Variants in LGALSL observed in about 807,000 individuals in gnomAD.
The protein encoded by LGALSL is galectin-related protein.
Under a neutral mutation model 19.5 loss-of-function variants are expected in LGALSL, and 13 were observed. That is an observed-to-expected ratio of 0.67 (90% CI 0.43 to 1.06). LGALSL has a LOEUF of 1.06. LGALSL is among the 50% of genes least tolerant of loss of function. The pLI, the probability that LGALSL is intolerant of heterozygous loss-of-function variation, is 0.00. For synonymous variants in LGALSL, 86 were observed against 78.3 expected, an observed-to-expected ratio of 1.10 and a Z score of -0.52; for missense variants, 189 against 219.3, an observed-to-expected ratio of 0.86 and a Z score of 0.87.
rs1262840269 is a variant in LGALSL, at chr2:64,454,471, C to G, written c.-75C>G. On this transcript the variant is annotated 5_prime_UTR_variant, in exon 1 of 5. Transcript: ENST00000238875. This position sits in a 1 kb window ranked among gnomAD's most constrained non-coding sequence, Gnocchi z 5.1. ...CAGCTCGGACCCGCGCCCCCGCCCC[C>G]GCCCCGCGCAGGACAGCCCCGGGAT... 1.3e-5 allele frequency: 11 copies of G among 855,208 alleles called. No homozygotes were observed. The highest frequency in any genetic ancestry group is 1.5e-5 in the Non-Finnish European group (10 of 667,904). The allele number at this position is 855,208 out of a possible 1,614,324, so 53.0% of individuals were successfully genotyped here.
In LGALSL at chr2:64,454,686, G is replaced by C; in HGVS notation, c.36+105G>C. 1 of 847,900 alleles carries C rather than the reference G, an allele frequency of 1.2e-6. No individual in the cohort carries two copies. The allele number at this position is 847,900 out of a possible 1,614,324, so 52.5% of individuals were successfully genotyped here. A position where few individuals can be genotyped will look rare whatever the true frequency, so the allele number is the denominator to read the frequency against. ...GTGCTGAGCAGCCGCAGGCCCGGCC[G>C]GCGCCCGGCGCGTGGGAAGGCGCCC... On this transcript the variant is annotated intron_variant, in intron 1 of 4. Transcript: ENST00000238875. This position sits in a 1 kb window ranked among gnomAD's most constrained non-coding sequence, Gnocchi z 5.1.
rs1686778958 is a variant in LGALSL at position 64,459,049 on chromosome 2, C to T, written c.*621C>T. The T allele has an allele frequency of 6.6e-6, 1 of 152,120 alleles. No individual in the cohort carries two copies. Among genetic ancestry groups the T allele is most frequent in the Non-Finnish European group, 1.5e-5 (1 of 68,028 alleles). The allele number at this position is 152,120 out of a possible 1,614,324, so 9.4% of individuals were successfully genotyped here. A position where few individuals can be genotyped will look rare whatever the true frequency, so the allele number is the denominator to read the frequency against. ...TTTGAATGTATAAATATCTTAGGTC[C>T]AAGGGGAGAAAATTACATATTACAA... On this transcript the variant is annotated 3_prime_UTR_variant, in exon 5 of 5. Transcript: ENST00000238875.
In LGALSL at chr2:64,456,403, GA is replaced by G; in HGVS notation, c.314del (p.Glu105GlyfsTer56). On this transcript the variant is annotated frameshift_variant, in exon 4 of 5. Transcript: ENST00000238875. LOFTEE classifies it high-confidence loss of function. ...ACTCAGAAATTCTTGTATATCTGGG[GA>G]GAGGGGTGAAGAACAGTCAGCAATC... ...QLLRNSCISG[E>X]RGEEQSAIPY... 1 of 1,611,198 alleles carries G rather than the reference GA, an allele frequency of 6.2e-7. No homozygotes were observed. Among genetic ancestry groups the G allele is most frequent in the Non-Finnish European group, 8.5e-7 (1 of 1,178,688 alleles).
Position 64,456,176 on chromosome 2 carries a change from G to A in LGALSL, c.198-112G>A, listed in dbSNP as rs137920048. 9.8e-4 allele frequency: 833 copies of A among 849,790 alleles called. 5 individuals carry two copies. In the African/African-American group the frequency reaches 0.013, roughly 13 times the overall value. 52.6% of individuals were successfully genotyped at this position (849,790 alleles called of 1,614,324 possible). A position where few individuals can be genotyped will look rare whatever the true frequency, so the allele number is the denominator to read the frequency against. ...AATCTAACCTCTCTTGAAGAGTAGT[G>A]GCCTCTTAAAAATGGACAAACCCAG... On this transcript the variant is annotated intron_variant, in intron 3 of 4. Transcript: ENST00000238875.
chr2:64,457,819 CT>C (rs1469658304), intron 4 of LGALSL, among the ~76,000 whole-genome samples: 2 of 152,142 alleles, frequency 1.3e-5, no homozygotes, highest in African/African-American at 4.8e-5. Context: ...AGGATAGTTT[CT>C]TAGTGATGAA....
At chr2:64,457,069 C>G (rs931998110) in intron 4 of LGALSL, among the ~76,000 whole-genome samples, 1 of 152,114 alleles carries the variant, frequency 6.6e-6, no homozygotes, top group Non-Finnish European at 1.5e-5. Context: ...GAAGCACAAT[C>G]CAAACTTTTC....
At chr2:64,455,813 T>A in intron 3 of LGALSL, 136 bp downstream of exon 3, 1 of 692,166 alleles carries the variant, frequency 1.4e-6, no homozygotes, top group Non-Finnish European at 2.6e-6. Flanking sequence ...AGTACCATGT[T>A]CCCATGAAAC....
chr2:64,454,593 A>G lies in LGALSL; in HGVS notation c.36+12A>G. ...GCGATGCCGTGGTGGTGAGTGTGGC[A>G]GGGCGCGCGCGAGGCGCCCCTCCCC... On this transcript the variant is annotated intron_variant, in intron 1 of 4. Coordinates refer to ENST00000238875, the MANE Select transcript of LGALSL (RefSeq NM_014181.3). This position sits in a 1 kb window ranked among gnomAD's most constrained non-coding sequence, Gnocchi z 5.1. 7.1e-7 allele frequency: 1 copy of G among 1,413,826 alleles called. No individual in the cohort carries two copies. The highest frequency in any genetic ancestry group is 9.3e-7 in the Non-Finnish European group (1 of 1,079,260). 87.6% of individuals were successfully genotyped at this position (1,413,826 alleles called of 1,614,324 possible). A position where few individuals can be genotyped will look rare whatever the true frequency, so the allele number is the denominator to read the frequency against.
chr2:64,459,993 G>T lies in LGALSL; in HGVS notation c.*1565G>T, dbSNP rs1399985394. The T allele has an allele frequency of 6.6e-6, 1 of 150,636 alleles. No individual in the cohort carries two copies. The highest frequency in any genetic ancestry group is 2.4e-5 in the African/African-American group (1 of 40,858). 9.3% of individuals were successfully genotyped at this position (150,636 alleles called of 1,614,324 possible). A position where few individuals can be genotyped will look rare whatever the true frequency, so the allele number is the denominator to read the frequency against. ...CTGTGTCTTGTAATGACACATCCTT[G>T]TCCTGCTTTCCTTTTTTGAGTTTTT... On this transcript the variant is annotated 3_prime_UTR_variant, in exon 5 of 5. Transcript: ENST00000238875.
At chr2:64,455,793 G>C in intron 3 of LGALSL, 116 bp downstream of exon 3, 1 of 763,590 alleles carries the variant, frequency 1.3e-6, no homozygotes. Flanking sequence ...CTAGTTGCCA[G>C]TGCCAAGAAA....
At position 64,456,922 on chromosome 2, in the gene LGALSL, G is replaced by T. The variant is rs188508514; in HGVS notation, c.375+457G>T. Among the ~76,000 whole-genome samples, 6 of 152,204 alleles carry T rather than the reference G, an allele frequency of 3.9e-5. No individual in the cohort carries two copies. The East Asian group carries it at 9.6e-4, about 24-fold the overall frequency. On this transcript the variant is annotated intron_variant, in intron 4 of 4. Transcript: ENST00000238875. ...TTCTCTTGTTCCCTTTGCTAATGAG[G>T]CCATGTTCGTGTCCTTGTTTCCCCC...
intron 4 of LGALSL, 41 bp from the exon 5 acceptor site, chr2:64,458,244 G>C: frequency 6.3e-7 from 1 of 1,589,704 alleles, no homozygotes. Context: ...TTCCCCAGTA[G>C]CGTTCATTGA....
rs1686820227 is a variant in LGALSL, at chr2:64,461,206, G to A, written c.*2778G>A. The A allele has an allele frequency of 6.6e-6, 1 of 152,192 alleles. No homozygotes were observed. Among genetic ancestry groups the A allele is most frequent in the African/African-American group, 2.4e-5 (1 of 41,444 alleles). 9.4% of individuals were successfully genotyped at this position (152,192 alleles called of 1,614,324 possible). ...AAGGAGGGAGCCCTGTTTGCCTTGA[G>A]ATAAACGGCCTTGGCATTTTCTGGC... On this transcript the variant is annotated 3_prime_UTR_variant, in exon 5 of 5. Coordinates refer to ENST00000238875, the MANE Select transcript of LGALSL (RefSeq NM_014181.3).
Position 64,458,662 on chromosome 2 carries a change from A to C in LGALSL, c.*234A>C. 1 of 370,946 alleles carries C rather than the reference A, an allele frequency of 2.7e-6. No individual in the cohort carries two copies. The allele number at this position is 370,946 out of a possible 1,614,324, so 23.0% of individuals were successfully genotyped here. ...TGGATTTTATTCAGACCAAACTAAA[A>C]TGGATTTGTGATGATTTGTGATTTG... On this transcript the variant is annotated 3_prime_UTR_variant, in exon 5 of 5. Transcript: ENST00000238875.
rs1275926664 is a variant in LGALSL, at chr2:64,461,297, T to A, written c.*2869T>A. 1.3e-5 allele frequency: 2 copies of A among 152,238 alleles called. No individual in the cohort carries two copies. Among genetic ancestry groups the A allele is most frequent in the East Asian group, 3.8e-4 (2 of 5,204 alleles). 9.4% of individuals were successfully genotyped at this position (152,238 alleles called of 1,614,324 possible). A position where few individuals can be genotyped will look rare whatever the true frequency, so the allele number is the denominator to read the frequency against. ...AAGAAACACTTTCTTATTTACTGTG[T>A]GGTGTAAAATGTTGCTAAATGTGTT... On this transcript the variant is annotated 3_prime_UTR_variant, in exon 5 of 5. Coordinates refer to ENST00000238875, the MANE Select transcript of LGALSL (RefSeq NM_014181.3).
At chr2:64,456,966 A>G (rs148194201) in intron 4 of LGALSL, among the ~76,000 whole-genome samples, 29 of 152,186 alleles carry the variant, frequency 1.9e-4, no homozygotes, top group African/African-American at 6.3e-4. Flanking sequence ...AATTAGCCTC[A>G]GTCTATTTCA....
In LGALSL at chr2:64,458,379, T is replaced by C; in HGVS notation, c.470T>C (p.Ile157Thr). 1 of 1,614,032 alleles carries C rather than the reference T, an allele frequency of 6.2e-7. No individual in the cohort carries two copies. Among genetic ancestry groups the C allele is most frequent in the Non-Finnish European group, 8.5e-7 (1 of 1,179,876 alleles). The change falls in exon 5 of 5, where the codon ATT becomes ACT. Residue 157 changes from isoleucine to threonine, a missense_variant. Transcript: ENST00000238875. ...FYHRIQTLSAIDTIKINGDLQ... is the reference protein window; with the variant it reads ...FYHRIQTLSATDTIKINGDLQ... Reference sequence around the variant, plus strand: ...CATCGCATTCAAACGTTATCTGCAATTGACACCATAAAGATAAATGGAGAC... The same window carrying C: ...CATCGCATTCAAACGTTATCTGCAACTGACACCATAAAGATAAATGGAGAC...
In LGALSL at chr2:64,458,367, C is replaced by T. The variant is rs150631870; in HGVS notation, c.458C>T (p.Thr153Met). 48 of 1,613,746 alleles carry T rather than the reference C, an allele frequency of 3.0e-5. No individual in the cohort carries two copies. The highest frequency in any genetic ancestry group is 1.6e-4 in the Middle Eastern group (1 of 6,082). The change falls in exon 5 of 5, where the codon ACG (threonine) becomes ATG (methionine). Residue 153 changes from threonine (T) to methionine (M), a missense_variant. This residue lies in a region of LGALSL where 106 missense variants were observed against 119.3 expected (regional missense o/e 0.89). Transcript: ENST00000238875. ...TTTGATTTTTACCATCGCATTCAAA[C>T]GTTATCTGCAATTGACACCATAAAG... ...QLFDFYHRIQ[T>M]LSAIDTIKIN...
chr2:64,455,271 T>G, intron 1 of LGALSL, 73 bp from the exon 2 acceptor site: 1 of 948,636 alleles, frequency 1.1e-6, no homozygotes, highest in Non-Finnish European at 1.7e-6. Context: ...TTCCACCACA[T>G]CTGTGTGGGT....
Sources: allele counts gnomAD v4.1 joint callset (sites outside exome capture counted in the v4.1 genomes callset), GRCh38; gene constraint gnomAD v4.1.1; regional missense constraint gnomAD v4.1.1; non-coding constraint Gnocchi (gnomAD v3.1); transcripts MANE v1.5; gene names NCBI Gene and HGNC (gene_info 2026-07-23, HGNC 2026-07-21).